The following TMEM132C variants were observed in gnomAD, a reference collection of about 807,000 sequenced individuals.
The protein encoded by TMEM132C is transmembrane protein 132C.
A neutral mutation model predicts 61.4 loss-of-function variants in TMEM132C; 29 were observed. The ratio of observed to expected loss-of-function variants is 0.47; its 90% CI spans 0.35 to 0.64. The LOEUF is 0.64. TMEM132C is among the 30% of genes least tolerant of loss of function. The pLI is 0.00. For missense variants in TMEM132C, 1,408 were observed against 1,476.9 expected (o/e 0.95, Z 0.76); for synonymous variants, 656 against 633.1 (o/e 1.04, Z -0.54).
chr12:128,343,195 A>T (rs571112847), intron 1 of TMEM132C, among the ~76,000 whole-genome samples: 33 of 152,140 alleles, frequency 2.2e-4, no homozygotes, highest in Non-Finnish European at 4.3e-4. Flanking sequence ...GGAGGCCGAG[A>T]CGGGTGGATC....
Position 128,622,353 on chromosome 12 carries a change from AAAAAAAAATATATATATATAT to A in TMEM132C, c.1305+6020_1305+6040del, listed in dbSNP as rs1316142038. ...AGTGAGACTTTGTCTCAAAAAAAAA[AAAAAAAAATATATATATATAT>A]ATATATATATATATATATATATATA... On this transcript the variant is annotated intron_variant, in intron 4 of 8. Transcript: ENST00000435159. Among the ~76,000 whole-genome samples, 56 of 65,396 alleles carry A rather than the reference AAAAAAAAATATATATATATAT, an allele frequency of 8.6e-4. 2 individuals carry two copies. The highest frequency in any genetic ancestry group is 6.6e-3 in the Admixed American group (44 of 6,618). The allele number at this position is 65,396 out of a possible 152,430, so 42.9% of individuals were successfully genotyped here. A position where few individuals can be genotyped will look rare whatever the true frequency, so the allele number is the denominator to read the frequency against.
At chr12:128,274,668 G>A (rs150234013) in intron 1 of TMEM132C, among the ~76,000 whole-genome samples, 63 of 152,286 alleles carry the variant, frequency 4.1e-4, no homozygotes, top group Middle Eastern at 3.4e-3. Flanking sequence ...TGGAAAACAG[G>A]AACCATTTTA....
intron 1 of TMEM132C, among the ~76,000 whole-genome samples, chr12:128,358,180 TGGA>T (rs1873580362): frequency 1.3e-5 from 2 of 151,280 alleles, no homozygotes; most frequent in Admixed American, 1.3e-4. Context: ...TCACAGGGAG[TGGA>T]GAAGGGAAAG....
intron 1 of TMEM132C, among the ~76,000 whole-genome samples, chr12:128,296,617 G>A (rs912693864): frequency 6.6e-6 from 1 of 152,198 alleles, no homozygotes; most frequent in African/African-American, 2.4e-5. Context: ...TCTGTAGCCA[G>A]TCACTAGAAA....
intron 8 of TMEM132C, among the ~76,000 whole-genome samples, chr12:128,702,363 AT>A (rs1170375598): frequency 6.6e-6 from 1 of 151,944 alleles, no homozygotes; most frequent in Non-Finnish European, 1.5e-5. Context: ...TTATTATGAA[AT>A]GTATTATTAT....
Position 128,639,397 on chromosome 12 carries a change from A to G in TMEM132C, c.1305+23062A>G, listed in dbSNP as rs529585557. ...AATGGTAGTGGTAAAGATGACAATG[A>G]TGATGGTGATGATGATGATAATAAT... is the stretch of plus-strand genomic sequence containing the variant. On this transcript the variant is annotated intron_variant, in intron 4 of 8. Coordinates refer to ENST00000435159, the MANE Select transcript of TMEM132C (RefSeq NM_001136103.3). 1.1e-3 allele frequency among the ~76,000 whole-genome samples: 168 copies of G among 149,224 alleles called. No homozygotes were observed. In the Middle Eastern group the frequency reaches 0.017, roughly 15 times the overall value.
chr12:128,399,100 A>T (rs1407813176), intron 1 of TMEM132C, among the ~76,000 whole-genome samples: 1 of 152,196 alleles, frequency 6.6e-6, no homozygotes, highest in Non-Finnish European at 1.5e-5. Context: ...TAATCATTCT[A>T]AATGCTGGTA....
intron 4 of TMEM132C, among the ~76,000 whole-genome samples, chr12:128,629,925 C>T (rs1031067185): frequency 1.4e-5 from 2 of 147,820 alleles, no homozygotes; most frequent in African/African-American, 5.0e-5. Flanking sequence ...GAGATCACTT[C>T]ATTGCACTCT....
Position 128,480,145 on chromosome 12 carries a change from A to G in TMEM132C, c.975-63812A>G, listed in dbSNP as rs577170096. ...TTGGGTAGTGTGTGTCTGTGGTCCC[A>G]GCTACTCTGGAAGCTGAGGTGCAAA... On this transcript the variant is annotated intron_variant, in intron 2 of 8. Coordinates refer to ENST00000435159, the MANE Select transcript of TMEM132C (RefSeq NM_001136103.3). 3.7e-4 allele frequency among the ~76,000 whole-genome samples: 57 copies of G among 152,312 alleles called. No individual in the cohort carries two copies. The South Asian group carries it at 0.012, about 32-fold the overall frequency.
At chr12:128,589,315 G>A (rs1875664734) in intron 3 of TMEM132C, among the ~76,000 whole-genome samples, 1 of 152,102 alleles carries the variant, frequency 6.6e-6, no homozygotes, top group Non-Finnish European at 1.5e-5. Context: ...CTTGCCCTCA[G>A]GACCAAGATC....
At chr12:128,702,093 T>C (rs2398418) in intron 8 of TMEM132C, among the ~76,000 whole-genome samples, 79,931 of 151,580 alleles carry the variant, frequency 0.53, 23,196 homozygotes, top group East Asian at 0.76. Context: ...AGAGATGGGG[T>C]TTCCTCATGT....
intron 1 of TMEM132C, among the ~76,000 whole-genome samples, chr12:128,322,601 G>T (rs147460021): frequency 6.0e-4 from 91 of 152,302 alleles, no homozygotes; most frequent in African/African-American, 2.1e-3. Context: ...CTTTTCGCAC[G>T]CCCGTCACTC....
intron 2 of TMEM132C, among the ~76,000 whole-genome samples, chr12:128,525,125 G>C (rs964135642): frequency 6.6e-6 from 1 of 152,164 alleles, no homozygotes; most frequent in African/African-American, 2.4e-5. Flanking sequence ...AGGTGCCCTG[G>C]TCTCAGGAAG....
In TMEM132C at chr12:128,415,664, T is replaced by A. The variant is rs914485581; in HGVS notation, c.974+44T>A. On this transcript the variant is annotated intron_variant, in intron 2 of 8. Transcript: ENST00000435159. The surrounding 1 kb of genome is among the most constrained non-coding windows in gnomAD (Gnocchi z 5.8). Reference sequence around the variant, plus strand: ...CCCTGATCATCTTTGGCATGCCTGGTGTGAGACTGGGTTCCATGCGTGGCA... The same window carrying A: ...CCCTGATCATCTTTGGCATGCCTGGAGTGAGACTGGGTTCCATGCGTGGCA... 1.0e-5 allele frequency: 15 copies of A among 1,471,778 alleles called. No homozygotes were observed. In the African/African-American group the frequency reaches 2.1e-4, roughly 21 times the overall value. 91.2% of individuals were successfully genotyped at this position (1,471,778 alleles called of 1,614,324 possible).
intron 1 of TMEM132C, among the ~76,000 whole-genome samples, chr12:128,366,517 C>T (rs539415935): frequency 6.6e-5 from 10 of 152,270 alleles, no homozygotes; most frequent in African/African-American, 1.9e-4. Context: ...TCTGGATCTC[C>T]GGTGGCCATC....
At chr12:128,504,283 T>C (rs1289001030) in intron 2 of TMEM132C, among the ~76,000 whole-genome samples, 1 of 152,084 alleles carries the variant, frequency 6.6e-6, no homozygotes, top group Admixed American at 6.6e-5. Flanking sequence ...GCCAATATGC[T>C]CTTTTGGCCA....
At chr12:128,671,357 A>T (rs1326813397) in intron 5 of TMEM132C, among the ~76,000 whole-genome samples, 1 of 152,170 alleles carries the variant, frequency 6.6e-6, no homozygotes, top group Admixed American at 6.5e-5. Context: ...CTACACCACA[A>T]TGCTTGCTTA....
intron 1 of TMEM132C, among the ~76,000 whole-genome samples, chr12:128,398,672 A>C (rs113604711): frequency 6.6e-6 from 1 of 152,232 alleles, no homozygotes; most frequent in Non-Finnish European, 1.5e-5. Flanking sequence ...GAATTACTCA[A>C]TCTCTCTGGG....
rs987918908 is a variant in TMEM132C, at chr12:128,705,522, G to A, written c.2554G>A (p.Ala852Thr). The A allele has an allele frequency of 6.4e-7, 1 of 1,550,868 alleles. No homozygotes were observed. Among genetic ancestry groups the A allele is most frequent in the African/African-American group, 1.4e-5 (1 of 73,028 alleles). ...GSSPVEREEG[A>T]LRRATTTARS... ...CTCTCCCGTGGAGCGTGAGGAAGGG[G>A]CTCTCCGAAGAGCCACTACCACGGC... Residue 852 changes from alanine to threonine, a missense_variant, in exon 9 of 9, where the codon GCT (alanine) becomes ACT (threonine). Coordinates refer to ENST00000435159, the MANE Select transcript of TMEM132C (RefSeq NM_001136103.3).
Sources: allele counts gnomAD v4.1 joint callset (sites outside exome capture counted in the v4.1 genomes callset), GRCh38; gene constraint gnomAD v4.1.1; non-coding constraint Gnocchi (gnomAD v3.1); transcripts MANE v1.5; gene names NCBI Gene and HGNC (gene_info 2026-07-23, HGNC 2026-07-21).